Variants in LHFPL3 observed in about 807,000 individuals in gnomAD.
The protein encoded by LHFPL3 is LHFPL tetraspan subfamily member 3.
A neutral mutation model predicts 19.3 loss-of-function variants in LHFPL3; 5 were observed. The ratio of observed to expected loss-of-function variants is 0.26; its 90% CI spans 0.14 to 0.54. The LOEUF (loss-of-function observed/expected upper bound fraction) is 0.54, where lower values mean the gene tolerates loss of function less well. Ranked by LOEUF, LHFPL3 falls within the 20% of genes least tolerant of loss-of-function variation. The probability of loss-of-function intolerance (pLI) is 0.94; values close to 1 mark genes in which losing one functional copy is unlikely to be tolerated. For synonymous variants in LHFPL3, 133 were observed against 126.2 expected, an observed-to-expected ratio of 1.05 and a Z score of -0.36; for missense variants, 249 against 307.4, an observed-to-expected ratio of 0.81 and a Z score of 1.42.
chr7:104,529,942 A>G (rs1794264120), intron 1 of LHFPL3, among the ~76,000 whole-genome samples: 1 of 152,158 alleles, frequency 6.6e-6, no homozygotes. Context: ...AAGAGGGGCA[A>G]GGATATGCAG....
At chr7:104,553,547 C>T (rs1794700844) in intron 1 of LHFPL3, among the ~76,000 whole-genome samples, 1 of 152,068 alleles carries the variant, frequency 6.6e-6, no homozygotes, top group African/African-American at 2.4e-5. Context: ...ATGAAACTGC[C>T]TCTAGGTCCA....
chr7:104,749,286 A>G (rs1228524667), intron 2 of LHFPL3, among the ~76,000 whole-genome samples: 2 of 152,278 alleles, frequency 1.3e-5, no homozygotes, highest in Non-Finnish European at 2.9e-5. Flanking sequence ...CAGTCAATTA[A>G]TTTATCTCTC....
At chr7:104,793,987 G>A (rs1356230784) in intron 2 of LHFPL3, among the ~76,000 whole-genome samples, 1 of 152,206 alleles carries the variant, frequency 6.6e-6, no homozygotes, top group African/African-American at 2.4e-5. Flanking sequence ...GATGGGAAGG[G>A]AGCATAAAGG....
At chr7:104,725,938 G>C (rs565517271) in intron 1 of LHFPL3, among the ~76,000 whole-genome samples, 1 of 151,080 alleles carries the variant, frequency 6.6e-6, no homozygotes, top group African/African-American at 2.4e-5. Flanking sequence ...TGTAATCCCA[G>C]CTACTTGGGA....
chr7:104,420,433 C>A (rs560091620), intron 1 of LHFPL3, among the ~76,000 whole-genome samples: 6 of 152,088 alleles, frequency 3.9e-5, no homozygotes, highest in Admixed American at 3.9e-4. Flanking sequence ...AAAAGAGGAG[C>A]TTTGAGAAAG....
At position 104,538,566 on chromosome 7, in the gene LHFPL3, C is replaced by T. The variant is rs115357215; in HGVS notation, c.446-198109C>T. Among the ~76,000 whole-genome samples, 351 of 152,286 alleles carry T rather than the reference C, an allele frequency of 2.3e-3. 2 individuals are homozygous for T. Among genetic ancestry groups the T allele is most frequent in the African/African-American group, 7.2e-3 (300 of 41,578 alleles). On this transcript the variant is annotated intron_variant, in intron 1 of 2. Coordinates refer to ENST00000424859, the MANE Select transcript of LHFPL3 (RefSeq NM_199000.3). The stretch of plus-strand genomic sequence containing the variant: ...ATCCACTACACAGGGCAGATGTTTG[C>T]CATTGTTTTCTTTATCACAACAGTG...
chr7:104,725,877 C>T (rs1273459945), intron 1 of LHFPL3, among the ~76,000 whole-genome samples: 3 of 151,864 alleles, frequency 2.0e-5, no homozygotes, highest in Non-Finnish European at 4.4e-5. Flanking sequence ...TGGTGAAACC[C>T]CCATCTCTAC....
intron 1 of LHFPL3, among the ~76,000 whole-genome samples, chr7:104,718,999 G>A (rs1030370547): frequency 7.2e-5 from 11 of 152,120 alleles, no homozygotes; most frequent in Admixed American, 5.9e-4. Flanking sequence ...CAAAAATGCT[G>A]TTTAGATTTT....
chr7:104,335,270 G>C (rs762512279), intron 1 of LHFPL3, among the ~76,000 whole-genome samples: 3 of 152,192 alleles, frequency 2.0e-5, no homozygotes, highest in Non-Finnish European at 2.9e-5. Context: ...CCTAAAGAGA[G>C]GCTTTTCCTC....
chr7:104,505,318 C>T (rs756210280), intron 1 of LHFPL3, among the ~76,000 whole-genome samples: 1 of 152,318 alleles, frequency 6.6e-6, no homozygotes, highest in Non-Finnish European at 1.5e-5. Context: ...AAAGCCGTCA[C>T]ATTCAAATGA....
chr7:104,875,719 C>A (rs1315661263), intron 2 of LHFPL3, among the ~76,000 whole-genome samples: 1 of 152,176 alleles, frequency 6.6e-6, no homozygotes, highest in African/African-American at 2.4e-5. Context: ...AAACTCCACA[C>A]CCACAATAAA....
chr7:104,513,251 G>A (rs1793855583), intron 1 of LHFPL3, among the ~76,000 whole-genome samples: 1 of 152,174 alleles, frequency 6.6e-6, no homozygotes, highest in Non-Finnish European at 1.5e-5. Context: ...CTGGTAGGTA[G>A]GATGGTAGGG....
chr7:104,709,878 A>G (rs1200591356), intron 1 of LHFPL3, among the ~76,000 whole-genome samples: 1 of 144,842 alleles, frequency 6.9e-6, no homozygotes, highest in African/African-American at 2.5e-5. Context: ...ATCCCAGACG[A>G]TGGGTGGCCA....
Position 104,596,894 on chromosome 7 carries a change from G to A in LHFPL3, c.446-139781G>A, listed in dbSNP as rs17138995. Among the ~76,000 whole-genome samples, 419 of 152,232 alleles carry A rather than the reference G, an allele frequency of 2.8e-3. 1 individual carries two copies. Among genetic ancestry groups the A allele is most frequent in the East Asian group, 0.014 (70 of 5,180 alleles). On this transcript the variant is annotated intron_variant, in intron 1 of 2. Coordinates refer to ENST00000424859, the MANE Select transcript of LHFPL3 (RefSeq NM_199000.3). ...CCCAAGTGACCATGAGCTCATTTAG[G>A]GAATCAGTGACTCATCTTTGTTCAT...
At position 104,328,749 on chromosome 7, in the gene LHFPL3, G is replaced by GAGGAGGAGGACC. The variant is rs1471233729; in HGVS notation, c.-21_-20insCCAGGAGGAGGA. On this transcript the variant is annotated 5_prime_UTR_variant, in exon 1 of 3. Coordinates refer to ENST00000424859, the MANE Select transcript of LHFPL3 (RefSeq NM_199000.3). This position sits in a 1 kb window ranked among gnomAD's most constrained non-coding sequence, Gnocchi z 4.6. ...GAGGCGGGGGGAGGCGGAGGACCAG[G>GAGGAGGAGGACC]AGGAGGAGGAGGAGGAGGAGGAGGG... is the stretch of plus-strand genomic sequence containing the variant. The GAGGAGGAGGACC allele has an allele frequency of 5.9e-6, 3 of 505,788 alleles. No homozygotes were observed. The South Asian group carries it at 1.3e-4, about 21-fold the overall frequency. The allele number at this position is 505,788 out of a possible 1,614,324, so 31.3% of individuals were successfully genotyped here. A position where few individuals can be genotyped will look rare whatever the true frequency, so the allele number is the denominator to read the frequency against.
At chr7:104,598,311 C>G (rs552272736) in intron 1 of LHFPL3, among the ~76,000 whole-genome samples, 1 of 152,180 alleles carries the variant, frequency 6.6e-6, no homozygotes, top group Non-Finnish European at 1.5e-5. Flanking sequence ...GGCACCAAAA[C>G]TATTGTTTCC....
At chr7:104,649,669 T>C (rs778698800) in intron 1 of LHFPL3, among the ~76,000 whole-genome samples, 1 of 152,276 alleles carries the variant, frequency 6.6e-6, no homozygotes, top group East Asian at 1.9e-4. Flanking sequence ...ACAAGACTGT[T>C]AAAGGCATCT....
intron 2 of LHFPL3, among the ~76,000 whole-genome samples, chr7:104,738,003 G>A (rs759567620): frequency 1.3e-5 from 2 of 152,090 alleles, no homozygotes; most frequent in African/African-American, 2.4e-5. Flanking sequence ...CTGTTTATGC[G>A]GGTAAACTAT....
intron 1 of LHFPL3, among the ~76,000 whole-genome samples, chr7:104,669,803 A>C (rs1792435659): frequency 6.6e-6 from 1 of 152,218 alleles, no homozygotes; most frequent in Admixed American, 6.5e-5. Context: ...AAGGGACTAC[A>C]GCTTTTTAGA....
Sources: allele counts gnomAD v4.1 joint callset (sites outside exome capture counted in the v4.1 genomes callset), GRCh38; gene constraint gnomAD v4.1.1; non-coding constraint Gnocchi (gnomAD v3.1); transcripts MANE v1.5; gene names NCBI Gene and HGNC (gene_info 2026-07-23, HGNC 2026-07-21).